CSMD1: variants seen among roughly 807,000 people sequenced by gnomAD.
CSMD1 encodes CUB and sushi domain-containing protein 1.
A neutral mutation model predicts 417.5 loss-of-function variants in CSMD1; 213 were observed. The observed-to-expected ratio is 0.51, with a 90% CI of 0.46 to 0.57. The LOEUF is 0.57. Among genes scored for constraint, CSMD1 ranks in the 20% least tolerant of loss-of-function variants. CSMD1 has a pLI of 0.00. For synonymous variants in CSMD1, 2,862 were observed against 1,736.8 expected (o/e 1.65, Z -16.11); for missense variants, 6,923 against 4,529.7 (o/e 1.53, Z -15.17).
intron 3 of CSMD1, among the ~76,000 whole-genome samples, chr8:4,148,398 T>A (rs1419882123): frequency 2.0e-5 from 3 of 149,240 alleles, no homozygotes; most frequent in African/African-American, 7.4e-5. Context: ...GGAATAGCAT[T>A]AGGAGATATA....
intron 1 of CSMD1, among the ~76,000 whole-genome samples, chr8:4,954,270 T>C (rs1480204470): frequency 6.6e-6 from 1 of 152,196 alleles, no homozygotes; most frequent in African/African-American, 2.4e-5. Flanking sequence ...CGATATGGTG[T>C]GATAAGTGTT....
rs1383840833 is a variant in CSMD1 at position 4,369,877 on chromosome 8, T to C, written c.415+50076A>G. 3.3e-5 allele frequency among the ~76,000 whole-genome samples: 5 copies of C among 152,196 alleles called. No individual in the cohort carries two copies. In the East Asian group the frequency reaches 9.6e-4, roughly 29 times the overall value. ...AGACAGCAGAGAGTTGGGTCTTGCT[T>C]CTTTACCCAACTTTCCATTTGGGTA... On this transcript the variant is annotated intron_variant, in intron 3 of 69. Coordinates refer to ENST00000635120, the MANE Select transcript of CSMD1 (RefSeq NM_033225.6).
At chr8:4,990,006 A>C (rs1383433206) in intron 1 of CSMD1, among the ~76,000 whole-genome samples, 1 of 152,184 alleles carries the variant, frequency 6.6e-6, no homozygotes, top group Non-Finnish European at 1.5e-5. Context: ...ACCAAGCATG[A>C]TTGGCCAGCT....
At chr8:3,219,181 T>G in intron 29 of CSMD1, 74 bp downstream of exon 29, 2 of 1,248,420 alleles carry the variant, frequency 1.6e-6, no homozygotes, top group Non-Finnish European at 2.3e-6. Context: ...AGCAAGATGT[T>G]ACAAAGCAAT....
intron 3 of CSMD1, among the ~76,000 whole-genome samples, chr8:4,324,065 G>A (rs752816405): frequency 6.6e-5 from 10 of 152,100 alleles, no homozygotes; most frequent in African/African-American, 2.2e-4. Context: ...TTTACCCGAG[G>A]CCAAGCTTAG....
intron 4 of CSMD1, among the ~76,000 whole-genome samples, chr8:4,006,480 G>T (rs146158077): frequency 2.0e-5 from 3 of 152,254 alleles, no homozygotes; most frequent in African/African-American, 4.8e-5. Context: ...GGAGGCAGAG[G>T]TTGCAGTGAG....
At chr8:4,610,313 A>G (rs529151864) in intron 2 of CSMD1, among the ~76,000 whole-genome samples, 1 of 152,338 alleles carries the variant, frequency 6.6e-6, no homozygotes, top group East Asian at 1.9e-4. Flanking sequence ...TCCCTCTAGT[A>G]TTAAATTCAA....
chr8:3,973,293 T>G (rs1404775707), intron 5 of CSMD1, among the ~76,000 whole-genome samples: 1 of 152,184 alleles, frequency 6.6e-6, no homozygotes, highest in Non-Finnish European at 1.5e-5. Context: ...TTCTCCCACC[T>G]GCCGAGGGAT....
intron 3 of CSMD1, among the ~76,000 whole-genome samples, chr8:4,136,851 G>C (rs966501219): frequency 1.3e-4 from 20 of 152,156 alleles, no homozygotes; most frequent in African/African-American, 4.8e-4. Flanking sequence ...CTCTAGGTTT[G>C]CTTTGTGATT....
intron 12 of CSMD1, among the ~76,000 whole-genome samples, chr8:3,444,481 G>C (rs1349189986): frequency 6.6e-6 from 1 of 152,266 alleles, no homozygotes; most frequent in South Asian, 2.1e-4. Flanking sequence ...TCAACCAGTA[G>C]AACTTTTGCT....
At chr8:4,944,520 T>A (rs1808234060) in intron 1 of CSMD1, among the ~76,000 whole-genome samples, 1 of 152,132 alleles carries the variant, frequency 6.6e-6, no homozygotes. Flanking sequence ...CATCAGAGAC[T>A]CAGACTCAGA....
intron 5 of CSMD1, among the ~76,000 whole-genome samples, chr8:3,858,522 G>T (rs1355002930): frequency 6.6e-6 from 1 of 152,098 alleles, no homozygotes; most frequent in African/African-American, 2.4e-5. Context: ...ACTTAATTTT[G>T]AATAAAAGTG....
chr8:3,075,810 G>T (rs1813623266), intron 49 of CSMD1, among the ~76,000 whole-genome samples: 2 of 151,644 alleles, frequency 1.3e-5, no homozygotes, highest in Non-Finnish European at 2.9e-5. Flanking sequence ...GGGAGGCCAA[G>T]GCGGGTGGAT....
intron 5 of CSMD1, among the ~76,000 whole-genome samples, chr8:3,922,442 T>G (rs1050766243): frequency 2.0e-5 from 3 of 152,098 alleles, no homozygotes; most frequent in South Asian, 4.2e-4. Context: ...GTTTCATCAT[T>G]AATATATTCT....
At chr8:4,076,612 A>T (rs1799834237) in intron 3 of CSMD1, among the ~76,000 whole-genome samples, 1 of 152,234 alleles carries the variant, frequency 6.6e-6, no homozygotes, top group Non-Finnish European at 1.5e-5. Context: ...AAAACATTTG[A>T]TAGTTGCCTG....
chr8:4,101,413 G>A (rs888163980), intron 3 of CSMD1, among the ~76,000 whole-genome samples: 7 of 152,132 alleles, frequency 4.6e-5, no homozygotes, highest in Non-Finnish European at 1.5e-5. Context: ...TTGGGCAGGT[G>A]AATATTTTCA....
intron 2 of CSMD1, among the ~76,000 whole-genome samples, chr8:4,469,912 G>C (rs935415482): frequency 6.6e-6 from 1 of 150,984 alleles, no homozygotes; most frequent in African/African-American, 2.4e-5. Flanking sequence ...CTGTCGCCCT[G>C]GCTGGAGTGC....
intron 1 of CSMD1, among the ~76,000 whole-genome samples, chr8:4,934,702 C>A (rs968843066): frequency 6.6e-6 from 1 of 152,124 alleles, no homozygotes; most frequent in Admixed American, 6.5e-5. Flanking sequence ...AATCTATAAT[C>A]TATCAATCAG....
intron 5 of CSMD1, among the ~76,000 whole-genome samples, chr8:3,963,763 T>G (rs929070917): frequency 6.6e-6 from 1 of 152,204 alleles, no homozygotes; most frequent in Non-Finnish European, 1.5e-5. Context: ...CACAATAGTA[T>G]AGTATATGTA....
Sources: allele counts gnomAD v4.1 joint callset (sites outside exome capture counted in the v4.1 genomes callset), GRCh38; gene constraint gnomAD v4.1.1; transcripts MANE v1.5; gene names NCBI Gene and HGNC (gene_info 2026-07-23, HGNC 2026-07-21).